The following SLC35F5 variants were observed in gnomAD, a reference collection of about 807,000 sequenced individuals.
SLC35F5 encodes the protein HCV NS5A-transactivated protein 3.
Under a neutral mutation model 68.6 loss-of-function variants are expected in SLC35F5, and 54 were observed. The ratio of observed to expected loss-of-function variants is 0.79; its 90% CI spans 0.63 to 0.99. The LOEUF is 0.99. Among genes scored for constraint, SLC35F5 ranks in the 50% least tolerant of loss-of-function variants. The probability of loss-of-function intolerance (pLI) is 0.00; values close to 1 mark genes in which losing one functional copy is unlikely to be tolerated. For missense variants in SLC35F5, 567 were observed against 626.9 expected (o/e 0.90, Z 1.02); for synonymous variants, 211 against 205.2 (o/e 1.03, Z -0.24).
At chr2:113,723,064 C>A in intron 13 of SLC35F5, 40 bp downstream of exon 13, 1 of 1,379,830 alleles carries the variant, frequency 7.2e-7, no homozygotes, top group Non-Finnish European at 9.8e-7. Flanking sequence ...GTTTTAATAA[C>A]ACACCTAAAA....
chr2:113,728,869 T>C (rs979676544), intron 11 of SLC35F5, among the ~76,000 whole-genome samples: 3 of 152,226 alleles, frequency 2.0e-5, no homozygotes, highest in African/African-American at 7.2e-5. Flanking sequence ...ATCCAGAAAC[T>C]ATAATTGGGT....
At chr2:113,731,475 A>C (rs1354989357) in intron 10 of SLC35F5, 109 bp downstream of exon 10, 13 of 700,932 alleles carry the variant, frequency 1.9e-5, no homozygotes, top group Non-Finnish European at 3.1e-5. Context: ...GTTCAAAAAA[A>C]ACCCACCCTG....
rs1016573191 is a variant in SLC35F5 at position 113,709,490 on chromosome 2, G to A, written c.*5728C>T. ...CAGCATTTTTCAAGCATCCAGGCAC[G>A]CTGGGCCTGGTATTTCAATTAGAGT... On this transcript the variant is annotated 3_prime_UTR_variant, in exon 16 of 16. Coordinates refer to ENST00000245680, the MANE Select transcript of SLC35F5 (RefSeq NM_025181.5). Among the ~76,000 whole-genome samples the A allele has an allele frequency of 2.0e-5, 3 of 152,322 alleles. No individual in the cohort carries two copies. Among genetic ancestry groups the A allele is most frequent in the East Asian group, 1.9e-4 (1 of 5,194 alleles).
chr2:113,727,628 C>T (rs866282355), intron 11 of SLC35F5, among the ~76,000 whole-genome samples: 1 of 152,120 alleles, frequency 6.6e-6, no homozygotes, highest in Non-Finnish European at 1.5e-5. Context: ...AAGCGAAGTT[C>T]CAGCACAATC....
downstream of SLC35F5, chr2:113,705,653 TGAAGAAA>T (rs1686780639): frequency 6.6e-6 from 1 of 152,146 alleles, no homozygotes; most frequent in Non-Finnish European, 1.5e-5. Flanking sequence ...AATTAGTAGA[TGAAGAAA>T]GAAGTTATAA....
rs753904064 is a variant in SLC35F5 at position 113,729,428 on chromosome 2, C to T, written c.1063G>A (p.Asp355Asn). Reference sequence around the variant, plus strand: ...AAGAACATTGGAATATCCAACTTGTCTTCTCTATCTACTTTTCTCTTAATC... The same window carrying T: ...AAGAACATTGGAATATCCAACTTGTTTTCTCTATCTACTTTTCTCTTAATC... ...VMIKRKVDRE[D>N]KLDIPMFFGF... is the part of the protein sequence containing the mutation. The change falls in exon 11 of 16, where the codon GAC becomes AAC. Residue 355 changes from aspartate (D) to asparagine (N), a missense_variant. Transcript: ENST00000245680. 1 of 1,578,710 alleles carries T rather than the reference C, an allele frequency of 6.3e-7. No individual in the cohort carries two copies. Among genetic ancestry groups the T allele is most frequent in the Non-Finnish European group, 8.6e-7 (1 of 1,157,306 alleles).
chr2:113,735,981 T>C (rs1688079272), intron 7 of SLC35F5, 123 bp from the exon 8 acceptor site: 2 of 579,070 alleles, frequency 3.5e-6, no homozygotes, highest in Admixed American at 3.4e-5. Context: ...TTTTAAAAGC[T>C]GCTTTGTATT....
In SLC35F5 at chr2:113,739,053, T is replaced by C. The variant is rs192142344; in HGVS notation, c.751-3195A>G. Among the ~76,000 whole-genome samples the C allele has an allele frequency of 7.5e-3, 1,141 of 152,294 alleles. 25 individuals are homozygous for C. The highest frequency in any genetic ancestry group is 8.9e-3 in the Non-Finnish European group (602 of 67,994). On this transcript the variant is annotated intron_variant, in intron 7 of 15. Coordinates refer to ENST00000245680, the MANE Select transcript of SLC35F5 (RefSeq NM_025181.5). Reference sequence around the variant, plus strand: ...GCCTGCATTTGAGGCTCATGTTATATTTCTATTGAACAGCACTGCTCTTAA... The same window carrying C: ...GCCTGCATTTGAGGCTCATGTTATACTTCTATTGAACAGCACTGCTCTTAA...
At chr2:113,725,259 G>GT in intron 12 of SLC35F5, 119 bp downstream of exon 12, 1 of 857,030 alleles carries the variant, frequency 1.2e-6, no homozygotes, top group Non-Finnish European at 1.9e-6. Context: ...GTATTCAGTT[G>GT]TATGTGTGTT....
chr2:113,754,305 G>GAAAAAAAAAAAAAAAAAA, intron 3 of SLC35F5, among the ~76,000 whole-genome samples: 1 of 117,508 alleles, frequency 8.5e-6, no homozygotes, highest in Non-Finnish European at 1.8e-5. Flanking sequence ...AAAAAAAAAA[G>GAAAAAAAAAAAAAAAAAA]AAAAAAAAAA....
downstream of SLC35F5, chr2:113,704,140 C>T (rs546482001): frequency 6.6e-6 from 1 of 152,414 alleles, no homozygotes; most frequent in Non-Finnish European, 1.5e-5. Flanking sequence ...GAACAAAGCT[C>T]CCACAGCTCG....
In SLC35F5 at chr2:113,717,787, A is replaced by G; in HGVS notation, c.1560T>C (p.Asp520=). The G allele has an allele frequency of 5.6e-6, 9 of 1,613,270 alleles. No individual in the cohort carries two copies. Among genetic ancestry groups the G allele is most frequent in the Non-Finnish European group, 7.6e-6 (9 of 1,179,598 alleles). Residue 520 remains aspartate (D), a synonymous_variant, in exon 15 of 16, where the codon GAT becomes GAC. Coordinates refer to ENST00000245680, the MANE Select transcript of SLC35F5 (RefSeq NM_025181.5). The stretch of plus-strand genomic sequence containing the variant: ...AGACAACAGACAGCTAACTAGCTCC[A>G]TCCTCCTGAGAAACACTGTGCATAG... ...LISMHSVSQE[D]GAS
intron 13 of SLC35F5, 171 bp from the exon 14 acceptor site, chr2:113,719,479 A>G: frequency 2.0e-6 from 1 of 511,512 alleles, no homozygotes; most frequent in Admixed American, 4.1e-5. Context: ...AGAATTCAAG[A>G]CTTCAACTTA....
intron 3 of SLC35F5, among the ~76,000 whole-genome samples, chr2:113,751,296 G>A (rs897758121): frequency 6.6e-6 from 1 of 152,180 alleles, no homozygotes; most frequent in Non-Finnish European, 1.5e-5. Flanking sequence ...ACCAAAAGGA[G>A]ACTGACAAAT....
chr2:113,749,273 G>A (rs931369650), intron 4 of SLC35F5, among the ~76,000 whole-genome samples: 2 of 152,238 alleles, frequency 1.3e-5, no homozygotes, highest in East Asian at 1.9e-4. Flanking sequence ...AGGCCAAGAC[G>A]GTGGAATGCC....
intron 13 of SLC35F5, among the ~76,000 whole-genome samples, chr2:113,721,581 G>A (rs563589704): frequency 4.0e-5 from 6 of 151,390 alleles, no homozygotes; most frequent in African/African-American, 1.2e-4. Context: ...TTCAATCTAC[G>A]AAAGCTTTTG....
rs1015616511 is a variant in SLC35F5, at chr2:113,756,606, G to C, written c.-197C>G. The C allele has an allele frequency of 8.0e-6, 11 of 1,378,098 alleles. No homozygotes were observed. The highest frequency in any genetic ancestry group is 1.5e-5 in the South Asian group (1 of 65,444). 85.4% of individuals were successfully genotyped at this position (1,378,098 alleles called of 1,614,324 possible). On this transcript the variant is annotated 5_prime_UTR_variant, in exon 1 of 16. Coordinates refer to ENST00000245680, the MANE Select transcript of SLC35F5 (RefSeq NM_025181.5). ...CGTGGAGCGGGTGAGGGGAAGGGACGGCACAGTCAGCTATGGCCGCGGAGG... is the reference window on the plus strand; with the variant it reads ...CGTGGAGCGGGTGAGGGGAAGGGACCGCACAGTCAGCTATGGCCGCGGAGG...
chr2:113,740,825 C>T (rs916110149), intron 7 of SLC35F5, among the ~76,000 whole-genome samples: 1 of 152,166 alleles, frequency 6.6e-6, no homozygotes, highest in African/African-American at 2.4e-5. Flanking sequence ...TGGGGTTTCA[C>T]CACATTGGCC....
intron 14 of SLC35F5, among the ~76,000 whole-genome samples, chr2:113,718,925 GAAAAA>G (rs71392577): frequency 0.025 from 1,396 of 56,726 alleles, 34 homozygotes; most frequent in Middle Eastern, 0.077. Flanking sequence ...AAGAAAGAAA[GAAAAA>G]GAAAGGAAGA....
Sources: gnomAD v4.1 joint callset for allele counts (sites outside exome capture counted in the v4.1 genomes callset) on GRCh38, gnomAD v4.1.1 for gene constraint, MANE v1.5 for transcripts, NCBI Gene and HGNC (gene_info 2026-07-23, HGNC 2026-07-21) for gene names.